The following ANO4 variants were observed in gnomAD, a reference collection of about 807,000 sequenced individuals.
ANO4 encodes the protein anoctamin 4, also known as anoctamin-4.
Under a neutral mutation model 141.9 loss-of-function variants are expected in ANO4, and 69 were observed. The observed-to-expected ratio is 0.49, with a 90% CI of 0.40 to 0.59. ANO4 has a LOEUF of 0.59. ANO4 is among the 20% of genes least tolerant of loss of function. The pLI is 0.00. For synonymous variants in ANO4, 350 were observed against 394.3 expected (o/e 0.89, Z 1.33); for missense variants, 894 against 1,162.2 (o/e 0.77, Z 3.36).
chr12:100,995,161 G>A (rs1452454480), intron 8 of ANO4, among the ~76,000 whole-genome samples: 3 of 151,956 alleles, frequency 2.0e-5, no homozygotes, highest in Non-Finnish European at 4.4e-5. Flanking sequence ...TGGGGGTGGG[G>A]GTGCAGGTTG....
In ANO4 at chr12:100,942,403, T is replaced by C. The variant is rs763290202; in HGVS notation, c.324T>C (p.Asn108=). The C allele has an allele frequency of 1.9e-6, 3 of 1,613,984 alleles. No homozygotes were observed. The highest frequency in any genetic ancestry group is 2.2e-5 in the South Asian group (2 of 91,048). The change falls in exon 5 of 28, where the codon AAT becomes AAC. Residue 108 remains asparagine, a synonymous_variant. Transcript: ENST00000392977. ...CAGTGCCAGAAAGAAACAAATCAAA[T>C]GGACTTTACTTTCGAGATGGAAAGT... The part of the protein sequence containing the change: ...GETVPERNKS[N]GLYFRDGKCR...
chr12:100,930,281 C>G (rs1263669757), intron 3 of ANO4, among the ~76,000 whole-genome samples: 1 of 152,040 alleles, frequency 6.6e-6, no homozygotes, highest in Non-Finnish European at 1.5e-5. Flanking sequence ...GAGAGTTTCT[C>G]TAATGTTTCC....
intron 3 of ANO4, among the ~76,000 whole-genome samples, chr12:100,936,601 T>G (rs1429245060): frequency 1.3e-5 from 2 of 152,218 alleles, no homozygotes; most frequent in African/African-American, 2.4e-5. Flanking sequence ...CTCCTTAGTA[T>G]GAGCCAGTCA....
intron 8 of ANO4, among the ~76,000 whole-genome samples, chr12:100,999,938 A>T (rs538059042): frequency 6.6e-6 from 1 of 151,390 alleles, no homozygotes; most frequent in Non-Finnish European, 1.5e-5. Context: ...AGTCCCAGCT[A>T]CTCAGGAGGA....
intron 1 of ANO4, among the ~76,000 whole-genome samples, chr12:100,847,743 T>C (rs544713422): frequency 6.6e-6 from 1 of 152,220 alleles, no homozygotes; most frequent in East Asian, 1.9e-4. Context: ...AGTGCTGGGA[T>C]TACAGGCGTG....
chr12:101,090,322 A>G (rs1229262455), intron 17 of ANO4, among the ~76,000 whole-genome samples: 1 of 152,260 alleles, frequency 6.6e-6, no homozygotes, highest in African/African-American at 2.4e-5. Context: ...AGCACTATTC[A>G]CAATAGCAAA....
chr12:101,036,999 T>G, intron 9 of ANO4, 96 bp from the exon 10 acceptor site: 2 of 1,247,452 alleles, frequency 1.6e-6, no homozygotes, highest in Non-Finnish European at 2.3e-6. Flanking sequence ...ATAGCCTAGA[T>G]TGTTTCCTCC....
At chr12:100,874,907 G>A (rs1419419617) in intron 1 of ANO4, among the ~76,000 whole-genome samples, 3 of 152,116 alleles carry the variant, frequency 2.0e-5, no homozygotes, top group Admixed American at 6.6e-5. Flanking sequence ...TTGATTGGGT[G>A]TATTTCCCCA....
At chr12:100,954,474 A>G (rs948048178) in intron 5 of ANO4, among the ~76,000 whole-genome samples, 1 of 152,152 alleles carries the variant, frequency 6.6e-6, no homozygotes, top group Non-Finnish European at 1.5e-5. Context: ...CTGAGCACCC[A>G]TCATTGTACA....
At position 100,809,342 on chromosome 12, in the gene ANO4, G is replaced by A. The variant is rs114419804; in HGVS notation, c.-141+14315G>A. Among the ~76,000 whole-genome samples, 1,252 of 149,842 alleles carry A rather than the reference G, an allele frequency of 8.4e-3. 23 individuals are homozygous for A. The highest frequency in any genetic ancestry group is 0.03 in the African/African-American group (1,201 of 40,570). On this transcript the variant is annotated intron_variant, in intron 1 of 27. Transcript: ENST00000392977. The stretch of plus-strand genomic sequence containing the variant: ...GCTGAGATTGCAGTCAGCAGAGATC[G>A]CCCCACTGCACTCCAACCTGGGCGA...
At chr12:100,845,648 T>C (rs10860645) in intron 1 of ANO4, among the ~76,000 whole-genome samples, 110,019 of 152,102 alleles carry the variant, frequency 0.72, 40,074 homozygotes, top group Admixed American at 0.8. Flanking sequence ...CATATAAATA[T>C]ATTGTCTACA....
intron 5 of ANO4, among the ~76,000 whole-genome samples, chr12:100,953,978 C>T (rs1402021040): frequency 2.0e-5 from 3 of 152,102 alleles, no homozygotes; most frequent in Non-Finnish European, 2.9e-5. Context: ...GTCAAGTGCA[C>T]GAGCAGTGTT....
At chr12:101,061,648 T>C (rs1566192056) in intron 14 of ANO4, among the ~76,000 whole-genome samples, 1 of 151,888 alleles carries the variant, frequency 6.6e-6, no homozygotes, top group Non-Finnish European at 1.5e-5. Flanking sequence ...CAGTCTCTGA[T>C]ATCCTTTCTT....
At chr12:101,002,043 C>A (rs1414296084) in intron 8 of ANO4, among the ~76,000 whole-genome samples, 2 of 152,158 alleles carry the variant, frequency 1.3e-5, no homozygotes, top group African/African-American at 2.4e-5. Context: ...TCGCTGCCCA[C>A]CATCACCACC....
intron 22 of ANO4, among the ~76,000 whole-genome samples, chr12:101,106,558 CAT>C (rs970753865): frequency 3.1e-5 from 4 of 127,492 alleles, no homozygotes; most frequent in South Asian, 5.0e-4. Context: ...TATGGATATT[CAT>C]GTGTGTGTGT....
chr12:100,835,536 T>G (rs138474360), intron 1 of ANO4, among the ~76,000 whole-genome samples: 1 of 152,258 alleles, frequency 6.6e-6, no homozygotes, highest in Non-Finnish European at 1.5e-5. Flanking sequence ...TATAAAAGTT[T>G]TTTGAGAGGT....
chr12:100,764,733 T>G (rs774534799), intron 3 of ANO4, among the ~76,000 whole-genome samples: 10 of 152,230 alleles, frequency 6.6e-5, no homozygotes, highest in African/African-American at 9.6e-5. Flanking sequence ...GTAATTACCT[T>G]AGCTGTCCAT....
At chr12:100,980,853 A>G (rs1057198010) in intron 7 of ANO4, among the ~76,000 whole-genome samples, 3 of 152,172 alleles carry the variant, frequency 2.0e-5, no homozygotes, top group Non-Finnish European at 4.4e-5. Flanking sequence ...TAAATTGCCT[A>G]TCCAATAAAA....
rs2049528318 is a variant in ANO4, at chr12:101,086,943, T to C, written c.1701+119T>C. 5.9e-6 allele frequency: 7 copies of C among 1,191,970 alleles called. 1 individual carries two copies. In the South Asian group the frequency reaches 9.6e-5, roughly 16 times the overall value. The allele number at this position is 1,191,970 out of a possible 1,614,324, so 73.8% of individuals were successfully genotyped here. On this transcript the variant is annotated intron_variant, in intron 17 of 27. Transcript: ENST00000392977. ...AGGTGGGCCATTCACATAGCACTGA[T>C]GTCCTGGCAGCGAAGTGCCTGGCAT...
Sources: gnomAD v4.1 joint callset for allele counts (sites outside exome capture counted in the v4.1 genomes callset) on GRCh38, gnomAD v4.1.1 for gene constraint, MANE v1.5 for transcripts, NCBI Gene and HGNC (gene_info 2026-07-23, HGNC 2026-07-21) for gene names.